STAU2: variants seen among roughly 807,000 people sequenced by gnomAD.
STAU2 encodes the protein double-stranded RNA-binding protein Staufen homolog 2.
A neutral mutation model predicts 65.9 loss-of-function variants in STAU2; 20 were observed. The ratio of observed to expected loss-of-function variants is 0.30; its 90% CI spans 0.21 to 0.44. The LOEUF (loss-of-function observed/expected upper bound fraction) is 0.44, where lower values mean the gene tolerates loss of function less well. STAU2 is among the 20% of genes least tolerant of loss of function. The probability of loss-of-function intolerance (pLI) is 1.00; values close to 1 mark genes in which losing one functional copy is unlikely to be tolerated. For missense variants in STAU2, 558 were observed against 683.9 expected (o/e 0.82, Z 2.05); for synonymous variants, 232 against 233.9 (o/e 0.99, Z 0.07).
At chr8:73,747,374 TC>T (rs1563546359), upstream of STAU2, 1 of 1,535,234 alleles carries the variant, frequency 6.5e-7, no homozygotes, top group Non-Finnish European at 8.7e-7. Context: ...GTGCTCTGAT[TC>T]CCCGCTCGTA....
intron 11 of STAU2, among the ~76,000 whole-genome samples, chr8:73,593,108 G>A (rs866180287): frequency 6.6e-6 from 1 of 151,802 alleles, no homozygotes; most frequent in East Asian, 1.9e-4. Context: ...AATATCTCTG[G>A]AGTCTTTCCA....
intron 13 of STAU2, among the ~76,000 whole-genome samples, chr8:73,538,158 A>C (rs1806304867): frequency 2.6e-5 from 4 of 152,216 alleles, no homozygotes; most frequent in Admixed American, 2.6e-4. Context: ...GACCAGAAAA[A>C]GGACATTAGT....
At chr8:73,459,293 A>G (rs372081990) in intron 13 of STAU2, among the ~76,000 whole-genome samples, 2 of 152,336 alleles carry the variant, frequency 1.3e-5, no homozygotes, top group South Asian at 2.1e-4. Context: ...TTCTAACATG[A>G]AGAATAAATT....
chr8:73,567,338 T>A (rs956093941), intron 12 of STAU2, among the ~76,000 whole-genome samples: 1 of 151,936 alleles, frequency 6.6e-6, no homozygotes, highest in African/African-American at 2.4e-5. Flanking sequence ...AGAAACTCCA[T>A]CTCTACTAAA....
At chr8:73,595,514 G>C (rs1398776168) in intron 10 of STAU2, among the ~76,000 whole-genome samples, 4 of 151,960 alleles carry the variant, frequency 2.6e-5, no homozygotes, top group Admixed American at 2.0e-4. Flanking sequence ...CAGGATGGTA[G>C]AATTTTATAG....
intron 13 of STAU2, chr8:73,549,796 G>GA: frequency 1.0e-6 from 1 of 985,154 alleles, no homozygotes; most frequent in Non-Finnish European, 1.2e-6. Flanking sequence ...CACAGAAAAA[G>GA]AATTTATTGT....
chr8:73,534,361 A>G (rs1806043426), intron 13 of STAU2, among the ~76,000 whole-genome samples: 1 of 152,226 alleles, frequency 6.6e-6, no homozygotes, highest in South Asian at 2.1e-4. Context: ...TTGGCAAGGC[A>G]CAAAGCAGCT....
chr8:73,593,432 G>A (rs931775), intron 11 of STAU2, among the ~76,000 whole-genome samples: 9,085 of 152,174 alleles, frequency 0.06, 306 homozygotes, highest in Middle Eastern at 0.13. Flanking sequence ...CTTAAAGAAC[G>A]ATCAGCTCCT....
intron 11 of STAU2, among the ~76,000 whole-genome samples, chr8:73,589,698 A>G (rs1412244291): frequency 1.7e-4 from 26 of 152,230 alleles, no homozygotes; most frequent in Admixed American, 1.6e-3. Flanking sequence ...AGAAAATCCT[A>G]TAAGACAATA....
At chr8:73,550,009 G>T in intron 13 of STAU2, 1 of 985,566 alleles carries the variant, frequency 1.0e-6, no homozygotes, top group Admixed American at 6.2e-5. Flanking sequence ...CTTCTGCTGC[G>T]ACATTATGAA....
chr8:73,652,755 A>G (rs766032217), intron 6 of STAU2: 5 of 151,822 alleles, frequency 3.3e-5, no homozygotes, highest in Non-Finnish European at 7.4e-5. Flanking sequence ...ATTTCTGTCC[A>G]ATTCCAAGCA....
chr8:73,582,543 A>C (rs1270457882), intron 12 of STAU2, among the ~76,000 whole-genome samples: 1 of 152,092 alleles, frequency 6.6e-6, no homozygotes, highest in East Asian at 1.9e-4. Flanking sequence ...TACATGTATT[A>C]AATGGCAGTC....
At chr8:73,505,218 G>T (rs1821995476) in intron 13 of STAU2, among the ~76,000 whole-genome samples, 2 of 151,920 alleles carry the variant, frequency 1.3e-5, no homozygotes, top group African/African-American at 2.4e-5. Flanking sequence ...GCAGCCCAGG[G>T]CTAAAAATGG....
intron 12 of STAU2, among the ~76,000 whole-genome samples, chr8:73,578,748 T>C (rs565382458): frequency 6.6e-6 from 1 of 152,304 alleles, no homozygotes; most frequent in Non-Finnish European, 1.5e-5. Context: ...TTCTTACATT[T>C]CTAACACAGT....
chr8:73,657,625 T>A (rs1205120325), intron 6 of STAU2, among the ~76,000 whole-genome samples: 1 of 152,242 alleles, frequency 6.6e-6, no homozygotes, highest in Non-Finnish European at 1.5e-5. Flanking sequence ...TTTGCTCATT[T>A]TTTTCTTCTA....
intron 6 of STAU2, among the ~76,000 whole-genome samples, chr8:73,668,108 C>T (rs371601920): frequency 6.6e-6 from 1 of 152,100 alleles, no homozygotes; most frequent in Non-Finnish European, 1.5e-5. Flanking sequence ...GGACAGTTTA[C>T]TCCAAGTGTT....
At chr8:73,474,663 A>AG (rs1256919834) in intron 13 of STAU2, among the ~76,000 whole-genome samples, 1 of 152,126 alleles carries the variant, frequency 6.6e-6, no homozygotes, top group African/African-American at 2.4e-5. Flanking sequence ...AGAAAAAAAA[A>AG]AGTAGGCTGG....
At chr8:73,534,618 G>A (rs1806064230) in intron 13 of STAU2, among the ~76,000 whole-genome samples, 1 of 152,104 alleles carries the variant, frequency 6.6e-6, no homozygotes, top group African/African-American at 2.4e-5. Context: ...CTATCAGATA[G>A]TCTTATAACA....
At chr8:73,621,948 TCTC>T (rs1466760632) in intron 6 of STAU2, among the ~76,000 whole-genome samples, 2 of 144,014 alleles carry the variant, frequency 1.4e-5, no homozygotes, top group South Asian at 2.2e-4. Flanking sequence ...TAGGTCTTTC[TCTC>T]TTTTTTTTTT....
Sources: allele counts gnomAD v4.1 joint callset (sites outside exome capture counted in the v4.1 genomes callset), GRCh38; gene constraint gnomAD v4.1.1; transcripts MANE v1.5; gene names NCBI Gene and HGNC (gene_info 2026-07-23, HGNC 2026-07-21).